The following PIGR variants were observed in gnomAD, a reference collection of about 807,000 sequenced individuals.
The protein encoded by PIGR is polymeric immunoglobulin receptor.
PIGR carries 22 observed loss-of-function variants against 69.5 expected under a neutral mutation model. The observed-to-expected ratio is 0.32, with a 90% confidence interval of 0.23 to 0.45. The LOEUF is 0.45. PIGR is among the 20% of genes least tolerant of loss of function. The pLI, the probability that PIGR is intolerant of heterozygous loss-of-function variation, is 1.00. For synonymous variants in PIGR, 413 were observed against 407.6 expected (o/e 1.01, Z -0.16); for missense variants, 885 against 974.0 (o/e 0.91, Z 1.22).
In PIGR at chr1:206,930,749, T is replaced by G; in HGVS notation, c.2200-336A>C. ...GGCTGGGGTCAACCACGGTGGTGTA[T>G]GTTTTTCTTTCTCCACCAGCCCAGA... On this transcript the variant is annotated intron_variant, in intron 10 of 10. Coordinates refer to ENST00000356495, the MANE Select transcript of PIGR (RefSeq NM_002644.4). The surrounding 1 kb of genome is among the most constrained non-coding windows in gnomAD (Gnocchi z 4.3). 1.0e-6 allele frequency: 1 copy of G among 985,378 alleles called. No individual in the cohort carries two copies. Among genetic ancestry groups the G allele is most frequent in the Non-Finnish European group, 1.2e-6 (1 of 829,906 alleles). 61.0% of individuals were successfully genotyped at this position (985,378 alleles called of 1,614,324 possible). A position where few individuals can be genotyped will look rare whatever the true frequency, so the allele number is the denominator to read the frequency against.
chr1:206,939,427 T>C lies in PIGR; in HGVS notation c.80A>G (p.Glu27Gly). The change falls in exon 3 of 11, where the codon GAG (glutamate) becomes GGG (glycine). Residue 27 changes from glutamate to glycine, a missense_variant. Coordinates refer to ENST00000356495, the MANE Select transcript of PIGR (RefSeq NM_002644.4). Reference sequence around the variant, plus strand: ...TGAGTTACCTTCCACACTATTCACCTCCTCGGGACCAAATATGGGACTCTT... The same window carrying C: ...TGAGTTACCTTCCACACTATTCACCCCCTCGGGACCAAATATGGGACTCTT... Reference protein sequence around the residue: ...STKSPIFGPEEVNSVEGNSVS... With the variant: ...STKSPIFGPEGVNSVEGNSVS... 1 of 1,609,366 alleles carries C rather than the reference T, an allele frequency of 6.2e-7. No individual in the cohort carries two copies. Among genetic ancestry groups the C allele is most frequent in the South Asian group, 1.1e-5 (1 of 90,938 alleles).
At chr1:206,939,081 A>G (rs766411892) in intron 3 of PIGR, 38 bp downstream of exon 3, 1 of 1,538,338 alleles carries the variant, frequency 6.5e-7, no homozygotes, top group Non-Finnish European at 8.9e-7. Flanking sequence ...AATTCCCTCT[A>G]ACTTTCCCCC....
intron 1 of PIGR, among the ~76,000 whole-genome samples, chr1:206,942,653 C>T (rs2102604216): frequency 6.6e-6 from 1 of 152,332 alleles, no homozygotes; most frequent in African/African-American, 2.4e-5. Context: ...CTGGACTTGG[C>T]CTGGGTTGCA....
chr1:206,942,984 G>A (rs1680018105), intron 1 of PIGR, among the ~76,000 whole-genome samples: 1 of 152,156 alleles, frequency 6.6e-6, no homozygotes, highest in Admixed American at 6.5e-5. Context: ...TTCTCTAGTA[G>A]CATTTGAAAG....
intron 6 of PIGR, 77 bp downstream of exon 6, chr1:206,934,343 G>A: frequency 1.5e-6 from 2 of 1,291,900 alleles, no homozygotes; most frequent in Non-Finnish European, 2.1e-6. Context: ...CACTGATTGA[G>A]AAGCTCTCAG....
At chr1:206,943,994 G>C (rs1440721076) in intron 1 of PIGR, among the ~76,000 whole-genome samples, 1 of 152,194 alleles carries the variant, frequency 6.6e-6, no homozygotes, top group Non-Finnish European at 1.5e-5. Flanking sequence ...TGCACAGTTG[G>C]TAAGTGACTT....
chr1:206,934,549 G>C lies in PIGR; in HGVS notation c.1576C>G (p.Leu526Val). 1 of 1,614,260 alleles carries C rather than the reference G, an allele frequency of 6.2e-7. No individual in the cohort carries two copies. Among genetic ancestry groups the C allele is most frequent in the South Asian group, 1.1e-5 (1 of 91,090 alleles). The change falls in exon 6 of 11, where the codon CTT (leucine) becomes GTT (valine). Residue 526 changes from leucine to valine, a missense_variant. Coordinates refer to ENST00000356495, the MANE Select transcript of PIGR (RefSeq NM_002644.4). ...AFVNCDENSR[L>V]VSLTLNLVTR... ...ACCAGGTTCAGGGTCAGGGAGACAA[G>C]CCGGCTGTTCTCGTCACAGTTCACG...
chr1:206,942,564 T>C (rs1680007640), intron 1 of PIGR, among the ~76,000 whole-genome samples: 1 of 152,216 alleles, frequency 6.6e-6, no homozygotes, highest in Admixed American at 6.5e-5. Context: ...TCCTCACCTC[T>C]AGATAAGCAA....
At chr1:206,932,087 T>C (rs1679765982) in intron 8 of PIGR, among the ~76,000 whole-genome samples, 2 of 152,178 alleles carry the variant, frequency 1.3e-5, no homozygotes, top group African/African-American at 4.8e-5. Context: ...CTGATTATCA[T>C]CCTTGACTTG....
chr1:206,930,708 C>G lies in PIGR; in HGVS notation c.2200-295G>C. 1.0e-6 allele frequency: 1 copy of G among 985,424 alleles called. No individual in the cohort carries two copies. The highest frequency in any genetic ancestry group is 1.2e-6 in the Non-Finnish European group (1 of 829,942). The allele number at this position is 985,424 out of a possible 1,614,324, so 61.0% of individuals were successfully genotyped here. On this transcript the variant is annotated intron_variant, in intron 10 of 10. Coordinates refer to ENST00000356495, the MANE Select transcript of PIGR (RefSeq NM_002644.4). This position sits in a 1 kb window ranked among gnomAD's most constrained non-coding sequence, Gnocchi z 4.3. ...CCCCGGAAGCTGCCCACACAGTCCACGGGCAAGGTGGCCTAGGCTGGGGTC... is the reference window on the plus strand; with the variant it reads ...CCCCGGAAGCTGCCCACACAGTCCAGGGGCAAGGTGGCCTAGGCTGGGGTC...
chr1:206,934,802 C>A (rs1034564547), intron 5 of PIGR, 56 bp from the exon 6 acceptor site: 15 of 1,269,126 alleles, frequency 1.2e-5, no homozygotes, highest in Non-Finnish European at 1.7e-5. Flanking sequence ...GGAGATGCTG[C>A]AGGGAAGTGA....
chr1:206,939,346 T>C lies in PIGR; in HGVS notation c.161A>G (p.Tyr54Cys). ...ACCTCTAGCTCCCTGCCGGCACCAG[T>C]ACTTCCGGGTGTGCCGGTTGACAGA... ...PTSVNRHTRKYWCRQGARGGC... is the reference protein window; with the variant it reads ...PTSVNRHTRKCWCRQGARGGC... The change falls in exon 3 of 11, where the codon TAC (tyrosine) becomes TGC (cysteine). Residue 54 changes from tyrosine (Y) to cysteine (C), a missense_variant. Coordinates refer to ENST00000356495, the MANE Select transcript of PIGR (RefSeq NM_002644.4). 1 of 1,614,206 alleles carries C rather than the reference T, an allele frequency of 6.2e-7. No homozygotes were observed. The highest frequency in any genetic ancestry group is 8.5e-7 in the Non-Finnish European group (1 of 1,180,030).
chr1:206,934,298 A>T, intron 6 of PIGR, 122 bp downstream of exon 6: 1 of 804,292 alleles, frequency 1.2e-6, no homozygotes, highest in Non-Finnish European at 1.9e-6. Flanking sequence ...CCCACTCTCC[A>T]CTTTCAGCCT....
At chr1:206,945,054 A>G (rs976164813) in intron 1 of PIGR, among the ~76,000 whole-genome samples, 3 of 152,210 alleles carry the variant, frequency 2.0e-5, no homozygotes, top group Non-Finnish European at 4.4e-5. Context: ...ACAGAGGTCT[A>G]GCGGCACTAG....
In PIGR at chr1:206,930,337, T is replaced by C. The variant is rs1339108440; in HGVS notation, c.2276A>G (p.Asp759Gly). The change falls in exon 11 of 11, where the codon GAC (aspartate) becomes GGC (glycine). Residue 759 changes from aspartate (D) to glycine (G), a missense_variant. Coordinates refer to ENST00000356495, the MANE Select transcript of PIGR (RefSeq NM_002644.4). The surrounding 1 kb of genome is among the most constrained non-coding windows in gnomAD (Gnocchi z 4.3). ...QSSTVAAEAQ[D>G]GPQEA ...CACCGTCTAGGCTTCCTGGGGGCCGTCCTGGGCCTCGGCGGCCACGGTGCT... is the reference window on the plus strand; with the variant it reads ...CACCGTCTAGGCTTCCTGGGGGCCGCCCTGGGCCTCGGCGGCCACGGTGCT... The C allele has an allele frequency of 6.2e-7, 1 of 1,611,542 alleles. No homozygotes were observed. Among genetic ancestry groups the C allele is most frequent in the Non-Finnish European group, 8.5e-7 (1 of 1,178,796 alleles).
intron 8 of PIGR, 55 bp downstream of exon 8, chr1:206,932,401 C>G (rs1034697264): frequency 6.4e-7 from 1 of 1,559,336 alleles, no homozygotes; most frequent in African/African-American, 1.4e-5. Context: ...GTGGATGATT[C>G]AGGACTGAGG....
chr1:206,937,748 G>A lies in PIGR; in HGVS notation c.392C>T (p.Pro131Leu). ...GACTTTAGTGTCATTTAGGAGCCCA[G>A]GACCTGCAGGATGAGGGGTGCAAGG... is the stretch of plus-strand genomic sequence containing the variant. ...FDVSLEVSQGPGLLNDTKVYT... is the reference protein window; with the variant it reads ...FDVSLEVSQGLGLLNDTKVYT... The change falls in exon 4 of 11, where the codon CCT becomes CTT. Residue 131 changes from proline (P) to leucine (L), a missense_variant. Transcript: ENST00000356495. 1 of 1,613,534 alleles carries A rather than the reference G, an allele frequency of 6.2e-7. No homozygotes were observed. Among genetic ancestry groups the A allele is most frequent in the Non-Finnish European group, 8.5e-7 (1 of 1,179,738 alleles).
In PIGR at chr1:206,937,903, C is replaced by T. The variant is rs149238776; in HGVS notation, c.389-152G>A. 1.7e-4 allele frequency: 114 copies of T among 668,850 alleles called. 1 individual carries two copies. In the East Asian group the frequency reaches 3.0e-3, roughly 18 times the overall value. The allele number at this position is 668,850 out of a possible 1,614,324, so 41.4% of individuals were successfully genotyped here. A position where few individuals can be genotyped will look rare whatever the true frequency, so the allele number is the denominator to read the frequency against. ...AGAGGAATGCTGTCGGAAGGCCCAG[C>T]TTGACAGCGGTCTTCTCCATGAAAC... On this transcript the variant is annotated intron_variant, in intron 3 of 10. Transcript: ENST00000356495.
chr1:206,937,002 AT>A lies in PIGR; in HGVS notation c.1045+92del, dbSNP rs1405039878. The stretch of plus-strand genomic sequence containing the variant: ...TTGAGTGGATGCTGTTGGCTGATTG[AT>A]GACTATTGATGAATACACTCAGAGG... On this transcript the variant is annotated intron_variant, in intron 4 of 10. Transcript: ENST00000356495. 4.2e-6 allele frequency: 5 copies of A among 1,176,900 alleles called. No individual in the cohort carries two copies. In the African/African-American group the frequency reaches 6.2e-5, roughly 15 times the overall value. The allele number at this position is 1,176,900 out of a possible 1,614,324, so 72.9% of individuals were successfully genotyped here.
Sources: allele counts gnomAD v4.1 joint callset (sites outside exome capture counted in the v4.1 genomes callset), GRCh38; gene constraint gnomAD v4.1.1; non-coding constraint Gnocchi (gnomAD v3.1); transcripts MANE v1.5; gene names NCBI Gene and HGNC (gene_info 2026-07-23, HGNC 2026-07-21).